XXYLT1: variants seen among roughly 807,000 people sequenced by gnomAD.
The protein encoded by XXYLT1 is UDP-xylose:alpha-xyloside alpha-1,3-xylosyltransferase.
Under a neutral mutation model 28.9 loss-of-function variants are expected in XXYLT1, and 20 were observed. That is an observed-to-expected ratio of 0.69 (90% confidence interval 0.49 to 1.00). XXYLT1 has a LOEUF of 1.00. Ranked by LOEUF, XXYLT1 falls within the 50% of genes least tolerant of loss-of-function variation. The pLI is 0.00. For missense variants in XXYLT1, 542 were observed against 560.1 expected (o/e 0.97, Z 0.33); for synonymous variants, 257 against 253.8 (o/e 1.01, Z -0.12).
intron 1 of XXYLT1, among the ~76,000 whole-genome samples, chr3:195,262,356 T>C (rs1725721953): frequency 6.6e-6 from 1 of 152,210 alleles, no homozygotes; most frequent in Non-Finnish European, 1.5e-5. Context: ...GTGATGCTAA[T>C]GGATACAGGG....
At chr3:195,244,778 A>C (rs888473324) in intron 1 of XXYLT1, among the ~76,000 whole-genome samples, 6 of 150,704 alleles carry the variant, frequency 4.0e-5, no homozygotes, top group Non-Finnish European at 8.9e-5. Context: ...AAAAAAAAAA[A>C]AAAAAACATG....
intron 2 of XXYLT1, among the ~76,000 whole-genome samples, chr3:195,159,512 C>T (rs1464379661): frequency 6.6e-6 from 1 of 152,168 alleles, no homozygotes; most frequent in African/African-American, 2.4e-5. Flanking sequence ...AGGGTGTGCT[C>T]AGGACTAACC....
intron 2 of XXYLT1, among the ~76,000 whole-genome samples, chr3:195,213,819 C>T (rs1264089513): frequency 6.6e-6 from 1 of 152,206 alleles, no homozygotes; most frequent in East Asian, 1.9e-4. Context: ...AGCCAGTCCT[C>T]CCCACCACCC....
chr3:195,237,305 C>T (rs939945901), intron 1 of XXYLT1, among the ~76,000 whole-genome samples: 13 of 152,248 alleles, frequency 8.5e-5, no homozygotes, highest in South Asian at 6.2e-4. Context: ...ATGCTCCCTC[C>T]GTGGGCATCG....
intron 1 of XXYLT1, among the ~76,000 whole-genome samples, chr3:195,246,076 C>A (rs1468817936): frequency 6.6e-6 from 1 of 152,240 alleles, no homozygotes; most frequent in East Asian, 1.9e-4. Context: ...CTGATTTATT[C>A]TCTTCGCCTC....
At position 195,143,801 on chromosome 3, in the gene XXYLT1, G is replaced by GAT. The variant is rs1240224336; in HGVS notation, c.785+12646_785+12647dup. ...TTCTCTCATTATATATATATATATA[G>GAT]ATAGATATATATAGATATAGATATA... On this transcript the variant is annotated intron_variant, in intron 3 of 3. Coordinates refer to ENST00000310380, the MANE Select transcript of XXYLT1 (RefSeq NM_152531.5). 2.4e-4 allele frequency among the ~76,000 whole-genome samples: 27 copies of GAT among 110,500 alleles called. 3 individuals are homozygous for GAT. Among genetic ancestry groups the GAT allele is most frequent in the Admixed American group, 8.8e-4 (9 of 10,202 alleles). 72.5% of individuals were successfully genotyped at this position (110,500 alleles called of 152,430 possible).
intron 2 of XXYLT1, among the ~76,000 whole-genome samples, chr3:195,201,395 C>A (rs1722843377): frequency 1.3e-5 from 2 of 152,240 alleles, no homozygotes; most frequent in Admixed American, 6.5e-5. Flanking sequence ...CTGCCTGTGT[C>A]TCTGGGGGTC....
chr3:195,098,256 A>C (rs1716561551), intron 3 of XXYLT1, among the ~76,000 whole-genome samples: 1 of 152,230 alleles, frequency 6.6e-6, no homozygotes, highest in Admixed American at 6.5e-5. Flanking sequence ...TGTACACTTC[A>C]AAACGGTTAA....
chr3:195,133,629 A>ACG lies in XXYLT1; in HGVS notation c.785+22818_785+22819dup, dbSNP rs893930118. On this transcript the variant is annotated intron_variant, in intron 3 of 3. Coordinates refer to ENST00000310380, the MANE Select transcript of XXYLT1 (RefSeq NM_152531.5). This position sits in a 1 kb window ranked among gnomAD's most constrained non-coding sequence, Gnocchi z 4.4. Reference sequence around the variant, plus strand: ...AGAGGCGGACGAGCTGCTGTGCCAAACGCTCCCAGATGCACACTCTCGGCA... The same window carrying ACG: ...AGAGGCGGACGAGCTGCTGTGCCAAACGCGCTCCCAGATGCACACTCTCGGCA... 1.4e-4 allele frequency among the ~76,000 whole-genome samples: 22 copies of ACG among 152,152 alleles called. No individual in the cohort carries two copies. Among genetic ancestry groups the ACG allele is most frequent in the African/African-American group, 4.8e-4 (20 of 41,438 alleles).
chr3:195,090,436 A>C lies in XXYLT1; in HGVS notation c.786-20325T>G, dbSNP rs1012965669. Among the ~76,000 whole-genome samples the C allele has an allele frequency of 7.6e-4, 115 of 150,718 alleles. 1 individual carries two copies. The East Asian group carries it at 0.02, about 26-fold the overall frequency. ...CTGCTCCTGAATGACTACTGGGTACATAACGAAATGAAGGCAGAAATAAAG... is the reference window on the plus strand; with the variant it reads ...CTGCTCCTGAATGACTACTGGGTACCTAACGAAATGAAGGCAGAAATAAAG... On this transcript the variant is annotated intron_variant, in intron 3 of 3. Transcript: ENST00000310380.
chr3:195,247,929 CA>C, intron 1 of XXYLT1: 2 of 617,020 alleles, frequency 3.2e-6, no homozygotes, highest in Non-Finnish European at 6.0e-6. Flanking sequence ...ACGAGAAGAG[CA>C]GGGAGGAAGT....
chr3:195,144,457 ACCTCCGCCT>A (rs1025581847), intron 3 of XXYLT1, among the ~76,000 whole-genome samples: 56 of 151,454 alleles, frequency 3.7e-4, no homozygotes, highest in African/African-American at 1.4e-3. Context: ...GCTCACTGCA[ACCTCCGCCT>A]CCCGGGTTCA....
At chr3:195,110,235 G>GGT (rs1560100458) in intron 3 of XXYLT1, among the ~76,000 whole-genome samples, 1 of 10,460 alleles carries the variant, frequency 9.6e-5, no homozygotes, top group African/African-American at 2.1e-4. Context: ...ATAAGTGTGT[G>GGT]GTGTGCGTGT....
intron 2 of XXYLT1, among the ~76,000 whole-genome samples, chr3:195,185,686 C>T (rs184860340): frequency 8.6e-5 from 13 of 152,016 alleles, no homozygotes; most frequent in African/African-American, 2.2e-4. Context: ...AGGAGCAGGT[C>T]GACACACCCT....
intron 2 of XXYLT1, among the ~76,000 whole-genome samples, chr3:195,212,216 G>A (rs934588334): frequency 2.0e-5 from 3 of 152,168 alleles, no homozygotes; most frequent in Non-Finnish European, 2.9e-5. Flanking sequence ...AGCAGGAAGC[G>A]GGGGTGGCCA....
At chr3:195,246,276 A>G (rs1215471711) in intron 1 of XXYLT1, among the ~76,000 whole-genome samples, 1 of 152,228 alleles carries the variant, frequency 6.6e-6, no homozygotes, top group African/African-American at 2.4e-5. Context: ...TGGAAGAAAG[A>G]AGACCTGCGC....
intron 3 of XXYLT1, among the ~76,000 whole-genome samples, chr3:195,097,435 C>G (rs1409894437): frequency 1.3e-5 from 2 of 152,214 alleles, no homozygotes; most frequent in African/African-American, 4.8e-5. Flanking sequence ...CGTATCAACA[C>G]GTAGCTAGCA....
intron 3 of XXYLT1, among the ~76,000 whole-genome samples, chr3:195,145,025 T>C (rs1719758125): frequency 6.9e-6 from 1 of 144,948 alleles, no homozygotes; most frequent in African/African-American, 2.7e-5. Context: ...TGAATACCAA[T>C]GAGCTGCAAT....
At chr3:195,233,524 C>T (rs978415636) in intron 1 of XXYLT1, among the ~76,000 whole-genome samples, 3 of 152,046 alleles carry the variant, frequency 2.0e-5, no homozygotes, top group African/African-American at 7.2e-5. Flanking sequence ...TGTTTTTAGA[C>T]TTGAGGTTGC....
Sources: allele counts gnomAD v4.1 joint callset (sites outside exome capture counted in the v4.1 genomes callset), GRCh38; gene constraint gnomAD v4.1.1; non-coding constraint Gnocchi (gnomAD v3.1); transcripts MANE v1.5; gene names NCBI Gene and HGNC (gene_info 2026-07-23, HGNC 2026-07-21).